Variants in KCNIP4 observed in about 807,000 individuals in gnomAD.
KCNIP4 encodes the protein potassium voltage-gated channel interacting protein 4.
KCNIP4 carries 12 observed loss-of-function variants against 34.0 expected under a neutral mutation model. That is an observed-to-expected ratio of 0.35 (90% CI 0.23 to 0.57). The LOEUF (loss-of-function observed/expected upper bound fraction) is 0.57, where lower values mean the gene tolerates loss of function less well. KCNIP4 is among the 20% of genes least tolerant of loss of function. KCNIP4 has a pLI of 0.83. For synonymous variants in KCNIP4, 124 were observed against 102.2 expected (o/e 1.21, Z -1.29); for missense variants, 238 against 311.7 (o/e 0.76, Z 1.78).
At chr4:20,834,670 C>G (rs1718833446) in intron 3 of KCNIP4, among the ~76,000 whole-genome samples, 1 of 138,294 alleles carries the variant, frequency 7.2e-6, no homozygotes, top group African/African-American at 2.5e-5. Context: ...TTGTTAGCAC[C>G]GTGATGGAAA....
At chr4:21,635,071 G>C (rs190434187) in intron 1 of KCNIP4, among the ~76,000 whole-genome samples, 1 of 152,152 alleles carries the variant, frequency 6.6e-6, no homozygotes, top group East Asian at 1.9e-4. Flanking sequence ...ATCTTCTTTT[G>C]TCAAAACAAT....
intron 3 of KCNIP4, among the ~76,000 whole-genome samples, chr4:20,783,942 G>C (rs998438870): frequency 6.6e-6 from 1 of 152,106 alleles, no homozygotes; most frequent in African/African-American, 2.4e-5. Context: ...ATCTGGCACT[G>C]GGTAGGCTCT....
chr4:21,310,606 A>T (rs1045552489), intron 1 of KCNIP4, among the ~76,000 whole-genome samples: 3 of 151,962 alleles, frequency 2.0e-5, no homozygotes, highest in Admixed American at 1.3e-4. Context: ...CAAAGGCATC[A>T]CATAATAAAT....
At chr4:21,210,149 A>T (rs1165085967) in intron 1 of KCNIP4, among the ~76,000 whole-genome samples, 1 of 152,226 alleles carries the variant, frequency 6.6e-6, no homozygotes, top group Non-Finnish European at 1.5e-5. Flanking sequence ...AGACTCCTAA[A>T]TAACAGGAAA....
At chr4:20,787,415 C>T (rs994790851) in intron 3 of KCNIP4, among the ~76,000 whole-genome samples, 2 of 152,044 alleles carry the variant, frequency 1.3e-5, no homozygotes, top group Non-Finnish European at 2.9e-5. Context: ...TTCTGATGCT[C>T]TTTAAAGATT....
At chr4:21,497,632 T>G (rs1732958215) in intron 1 of KCNIP4, among the ~76,000 whole-genome samples, 2 of 152,206 alleles carry the variant, frequency 1.3e-5, no homozygotes, top group Admixed American at 6.5e-5. Context: ...GCCTTTCATG[T>G]TGACAGTCTT....
chr4:21,897,292 T>G (rs1727449509), intron 1 of KCNIP4, among the ~76,000 whole-genome samples: 1 of 152,162 alleles, frequency 6.6e-6, no homozygotes, highest in Non-Finnish European at 1.5e-5. Context: ...TTTCAGAAGT[T>G]CTAATAAGAC....
intron 1 of KCNIP4, among the ~76,000 whole-genome samples, chr4:21,877,977 G>A (rs1323433182): frequency 6.6e-6 from 1 of 152,118 alleles, no homozygotes; most frequent in African/African-American, 2.4e-5. Context: ...AGAACAGGAG[G>A]GTAAGAACTT....
In KCNIP4 at chr4:21,125,700, C is replaced by A. The variant is rs147518837; in HGVS notation, c.62-242991G>T. On this transcript the variant is annotated intron_variant, in intron 1 of 8. Coordinates refer to ENST00000382152, the MANE Select transcript of KCNIP4 (RefSeq NM_025221.6). ...AGGATGGCAATGAGACTTTTGGACT[C>A]TGAATGTCTCTGTAATCTGTTTACA... Among the ~76,000 whole-genome samples, 289 of 152,240 alleles carry A rather than the reference C, an allele frequency of 1.9e-3. 3 individuals carry two copies. Among genetic ancestry groups the A allele is most frequent in the African/African-American group, 6.4e-3 (265 of 41,554 alleles).
intron 1 of KCNIP4, among the ~76,000 whole-genome samples, chr4:21,652,686 G>A (rs931096688): frequency 1.3e-5 from 2 of 152,202 alleles, no homozygotes; most frequent in Non-Finnish European, 2.9e-5. Flanking sequence ...CCTGGTACAT[G>A]TTTTAACTGC....
intron 1 of KCNIP4, among the ~76,000 whole-genome samples, chr4:21,285,293 T>G (rs1763054404): frequency 6.6e-6 from 1 of 152,188 alleles, no homozygotes; most frequent in South Asian, 2.1e-4. Flanking sequence ...ATATCTTATT[T>G]AGACTAATAT....
At chr4:20,782,447 G>A (rs1030677409) in intron 3 of KCNIP4, among the ~76,000 whole-genome samples, 1 of 152,154 alleles carries the variant, frequency 6.6e-6, no homozygotes, top group Non-Finnish European at 1.5e-5. Context: ...GGACATCCAG[G>A]CATTTCCATA....
chr4:21,157,097 G>T, intron 1 of KCNIP4, among the ~76,000 whole-genome samples: 1 of 151,954 alleles, frequency 6.6e-6, no homozygotes, highest in East Asian at 1.9e-4. Context: ...ATGTAACCTC[G>T]CTGAGGCTTC....
intron 2 of KCNIP4, among the ~76,000 whole-genome samples, chr4:20,864,085 T>TATACATAC (rs1474157341): frequency 6.8e-6 from 1 of 146,192 alleles, no homozygotes; most frequent in Non-Finnish European, 1.5e-5. Context: ...TGTATGTATG[T>TATACATAC]ATATGCATGT....
At position 20,921,002 on chromosome 4, in the gene KCNIP4, A is replaced by G. The variant is rs1233094457; in HGVS notation, c.62-38293T>C. On this transcript the variant is annotated intron_variant, in intron 1 of 8. Coordinates refer to ENST00000382152, the MANE Select transcript of KCNIP4 (RefSeq NM_025221.6). ...ACTTCATCTCAAAAACAAAAATAAAATAAATAAAAAAGATAAGCTTTGCCA... is the reference window on the plus strand; with the variant it reads ...ACTTCATCTCAAAAACAAAAATAAAGTAAATAAAAAAGATAAGCTTTGCCA... 2.6e-5 allele frequency among the ~76,000 whole-genome samples: 4 copies of G among 152,048 alleles called. 1 individual carries two copies. The highest frequency in any genetic ancestry group is 1.3e-4 in the Admixed American group (2 of 15,270).
intron 3 of KCNIP4, among the ~76,000 whole-genome samples, chr4:20,837,603 T>C (rs1035194991): frequency 6.7e-6 from 1 of 148,282 alleles, no homozygotes; most frequent in Non-Finnish European, 1.5e-5. Flanking sequence ...ACTTGAAAAA[T>C]TATTTATTGA....
chr4:20,738,677 A>G (rs1297247712), intron 5 of KCNIP4, among the ~76,000 whole-genome samples: 3 of 152,362 alleles, frequency 2.0e-5, no homozygotes, highest in Non-Finnish European at 1.5e-5. Context: ...AGCATGAGCA[A>G]CGCAGAAGAT....
intron 2 of KCNIP4, among the ~76,000 whole-genome samples, chr4:20,878,156 G>T (rs1414097406): frequency 1.3e-5 from 2 of 152,048 alleles, no homozygotes; most frequent in African/African-American, 2.4e-5. Context: ...GTTTCTATGT[G>T]CCTCAGTTTT....
intron 1 of KCNIP4, among the ~76,000 whole-genome samples, chr4:21,389,084 C>G (rs1426370020): frequency 1.3e-5 from 2 of 151,656 alleles, no homozygotes; most frequent in East Asian, 3.9e-4. Context: ...TCCCTGGGCT[C>G]AGGTGATCCT....
Sources: gnomAD v4.1 joint callset for allele counts (sites outside exome capture counted in the v4.1 genomes callset) on GRCh38, gnomAD v4.1.1 for gene constraint, MANE v1.5 for transcripts, NCBI Gene and HGNC (gene_info 2026-07-23, HGNC 2026-07-21) for gene names.